ACSS2: variants seen among roughly 807,000 people sequenced by gnomAD.
ACSS2 encodes acyl-CoA synthetase short chain family member 2.
In ACSS2, 58 loss-of-function variants were observed where a neutral mutation model predicts 90.6. That is an observed-to-expected ratio of 0.64 (90% CI 0.52 to 0.80). ACSS2 has a LOEUF of 0.80. Ranked by LOEUF, ACSS2 falls within the 30% of genes least tolerant of loss-of-function variation. ACSS2 has a pLI of 0.00. For missense variants in ACSS2, 759 were observed against 912.0 expected (o/e 0.83, Z 2.16); for synonymous variants, 300 against 330.9 (o/e 0.91, Z 1.01).
At chr20:34,879,150 C>T (rs2080004684) in intron 1 of ACSS2, among the ~76,000 whole-genome samples, 1 of 151,848 alleles carries the variant, frequency 6.6e-6, no homozygotes, top group Admixed American at 6.6e-5. Flanking sequence ...GTGATCCGCC[C>T]GCCTCGGCCT....
chr20:34,927,339 C>A lies in ACSS2; in HGVS notation c.*125C>A. On this transcript the variant is annotated 3_prime_UTR_variant, in exon 18 of 18. Transcript: ENST00000360596. The surrounding 1 kb of genome is among the most constrained non-coding windows in gnomAD (Gnocchi z 4.2). ...CCCTCCCTTGACCAGCTGTCTGGGA[C>A]CGGAAACCAGCTTTGTCTCCAGGTA... 1 of 1,319,902 alleles carries A rather than the reference C, an allele frequency of 7.6e-7. No individual in the cohort carries two copies. The highest frequency in any genetic ancestry group is 1.1e-6 in the Non-Finnish European group (1 of 948,746). The allele number at this position is 1,319,902 out of a possible 1,614,324, so 81.8% of individuals were successfully genotyped here. A position where few individuals can be genotyped will look rare whatever the true frequency, so the allele number is the denominator to read the frequency against.
At chr20:34,919,392 C>G in intron 7 of ACSS2, 43 bp from the exon 8 acceptor site, 2 of 1,610,406 alleles carry the variant, frequency 1.2e-6, no homozygotes, top group Non-Finnish European at 1.7e-6. Context: ...TATCTTGTCC[C>G]CATCTTGAGC....
intron 6 of ACSS2, 35 bp downstream of exon 6, chr20:34,914,206 G>C (rs368590862): frequency 3.7e-6 from 6 of 1,613,168 alleles, no homozygotes; most frequent in Non-Finnish European, 5.1e-6. Flanking sequence ...AGTTGACTGA[G>C]CCTTTCCCCA....
At chr20:34,923,716 T>C (rs908779773) in intron 14 of ACSS2, among the ~76,000 whole-genome samples, 1 of 151,850 alleles carries the variant, frequency 6.6e-6, no homozygotes, top group Non-Finnish European at 1.5e-5. Context: ...AGGGAGGAGA[T>C]ACCAGCCTCT....
chr20:34,882,852 C>T lies in ACSS2; in HGVS notation c.237C>T (p.Phe79=), dbSNP rs770080429. 2 of 1,613,564 alleles carry T rather than the reference C, an allele frequency of 1.2e-6. No homozygotes were observed. Among genetic ancestry groups the T allele is most frequent in the South Asian group, 1.1e-5 (1 of 90,818 alleles). Residue 79 remains phenylalanine (F), a synonymous_variant, in exon 2 of 18, where the codon TTC becomes TTT. Coordinates refer to ENST00000360596, the MANE Select transcript of ACSS2 (RefSeq NM_018677.4). ...FYWKTPCPGP[F]LRYNFDVTKG... ...GGAAGACTCCATGCCCTGGCCCATT[C>T]CTTCGGTACAACTTTGATGTGACTA...
At chr20:34,913,959 C>A in intron 5 of ACSS2, 134 bp downstream of exon 5, 3 of 1,348,532 alleles carry the variant, frequency 2.2e-6, no homozygotes, top group East Asian at 2.3e-5. Flanking sequence ...GGTCCCACCT[C>A]AGCTGACCCT....
intron 1 of ACSS2, 87 bp downstream of exon 1, chr20:34,876,910 T>C: frequency 1.1e-6 from 1 of 874,640 alleles, no homozygotes; most frequent in Non-Finnish European, 1.5e-6. Context: ...CTTGGGAAGC[T>C]GAGGGGTGGG....
intron 14 of ACSS2, 136 bp from the exon 15 acceptor site, chr20:34,925,562 T>C (rs1341667408): frequency 7.1e-6 from 6 of 848,088 alleles, no homozygotes; most frequent in Admixed American, 2.4e-5. Flanking sequence ...TCTTGGAGGC[T>C]GGCTACTACA....
At chr20:34,875,562 C>T (rs557524296), upstream of ACSS2, among the ~76,000 whole-genome samples, 3 of 152,328 alleles carry the variant, frequency 2.0e-5, no homozygotes, top group African/African-American at 7.2e-5. Flanking sequence ...GAGCGAGAGA[C>T]TCCATCTCAA....
At chr20:34,879,379 C>T (rs977368582) in intron 1 of ACSS2, among the ~76,000 whole-genome samples, 12 of 151,888 alleles carry the variant, frequency 7.9e-5, no homozygotes, top group Admixed American at 6.6e-4. Context: ...TTCTCTCTAC[C>T]TAGTCAAACT....
intron 2 of ACSS2, among the ~76,000 whole-genome samples, chr20:34,896,704 A>C (rs906019024): frequency 2.0e-5 from 3 of 152,244 alleles, no homozygotes; most frequent in Non-Finnish European, 4.4e-5. Flanking sequence ...AGATGTCTAC[A>C]TAGGACTCTA....
At chr20:34,889,917 A>G (rs1214150907) in intron 2 of ACSS2, among the ~76,000 whole-genome samples, 1 of 152,158 alleles carries the variant, frequency 6.6e-6, no homozygotes, top group East Asian at 1.9e-4. Flanking sequence ...CATGCAGCGG[A>G]AGTCGCAGCA....
chr20:34,875,174 T>C (rs546202887), upstream of ACSS2: 4 of 534,612 alleles, frequency 7.5e-6, no homozygotes, highest in Admixed American at 7.8e-5. Context: ...GACTTCTTTC[T>C]GGGGTGGAGG....
chr20:34,908,484 G>A (rs188707109), intron 2 of ACSS2, among the ~76,000 whole-genome samples: 96 of 152,184 alleles, frequency 6.3e-4, no homozygotes, highest in African/African-American at 2.0e-3. Flanking sequence ...TCAGGTCTTG[G>A]CTCAAATATC....
intron 2 of ACSS2, chr20:34,908,749 T>A: frequency 3.1e-6 from 1 of 327,314 alleles, no homozygotes; most frequent in East Asian, 9.3e-5. Flanking sequence ...TAATCCCAGC[T>A]ACTCAGGAGT....
At chr20:34,898,591 C>T (rs944077765) in intron 2 of ACSS2, among the ~76,000 whole-genome samples, 1 of 152,232 alleles carries the variant, frequency 6.6e-6, no homozygotes, top group Non-Finnish European at 1.5e-5. Context: ...TCCAAGGCCC[C>T]ACCAGAGTAG....
At position 34,921,317 on chromosome 20, in the gene ACSS2, T is replaced by A. The variant is rs767143181; in HGVS notation, c.1278-13T>A. The A allele has an allele frequency of 6.2e-7, 1 of 1,613,888 alleles. No individual in the cohort carries two copies. ...TACTCAGAGCCTTCCTCTCTCCCAT[T>A]CCCCTGCCCCAGGCATAGCCGGGCA... On this transcript the variant is annotated splice_polypyrimidine_tract_variant and intron_variant, in intron 10 of 17. Coordinates refer to ENST00000360596, the MANE Select transcript of ACSS2 (RefSeq NM_018677.4).
intron 2 of ACSS2, among the ~76,000 whole-genome samples, chr20:34,912,874 T>G (rs1216558681): frequency 6.6e-6 from 1 of 152,216 alleles, no homozygotes; most frequent in African/African-American, 2.4e-5. Flanking sequence ...CAGTGCATTT[T>G]CTAATGACAT....
intron 2 of ACSS2, among the ~76,000 whole-genome samples, chr20:34,890,130 T>A (rs2080297567): frequency 6.6e-6 from 1 of 152,174 alleles, no homozygotes; most frequent in Non-Finnish European, 1.5e-5. Context: ...TTAGCTATTT[T>A]TTTCATTATG....
Sources: gnomAD v4.1 joint callset for allele counts (sites outside exome capture counted in the v4.1 genomes callset) on GRCh38, gnomAD v4.1.1 for gene constraint, Gnocchi (gnomAD v3.1) non-coding constraint, MANE v1.5 for transcripts, NCBI Gene and HGNC (gene_info 2026-07-23, HGNC 2026-07-21) for gene names.